Variants in OR2L13 observed in about 807,000 individuals in gnomAD.
OR2L13 encodes the protein olfactory receptor family 2 subfamily L member 13.
A neutral mutation model predicts 15.3 loss-of-function variants in OR2L13; 14 were observed. The ratio of observed to expected loss-of-function variants is 0.91; its 90% confidence interval spans 0.60 to 1.43. The LOEUF is 1.43. Ranked by LOEUF, OR2L13 falls within the 40% of genes most tolerant of loss-of-function variation. The pLI is 0.00. For missense variants in OR2L13, 367 were observed against 387.9 expected (o/e 0.95, Z 0.45); for synonymous variants, 152 against 142.9 (o/e 1.06, Z -0.45).
At chr1:248,069,247 G>A in the OR2L13 span, among the ~76,000 whole-genome samples, 2 of 152,280 alleles carry the variant, frequency 1.3e-5, no homozygotes, top group East Asian at 3.9e-4. Flanking sequence ...ACCCACAAAG[G>A]GAAGCCCATC....
chr1:248,063,605 A>C, the OR2L13 span, among the ~76,000 whole-genome samples: 1 of 152,214 alleles, frequency 6.6e-6, no homozygotes, highest in East Asian at 1.9e-4. Flanking sequence ...GACAGAGAGA[A>C]AATAGGCCTT....
At chr1:247,996,172 C>G in the OR2L13 span, among the ~76,000 whole-genome samples, 1 of 152,216 alleles carries the variant, frequency 6.6e-6, no homozygotes, top group African/African-American at 2.4e-5. Flanking sequence ...TGGTCTGCTA[C>G]CACTCCATGG....
the OR2L13 span, among the ~76,000 whole-genome samples, chr1:248,064,000 C>T: frequency 2.0e-5 from 3 of 152,192 alleles, no homozygotes; most frequent in East Asian, 3.8e-4. Context: ...GAGCATGAAA[C>T]CATGCATGGA....
chr1:248,027,933 G>A, the OR2L13 span, among the ~76,000 whole-genome samples: 4 of 151,784 alleles, frequency 2.6e-5, no homozygotes, highest in Non-Finnish European at 5.9e-5. Flanking sequence ...GAGGTCAGGA[G>A]ATCAAGACCA....
chr1:248,022,411 C>G, the OR2L13 span: 1 of 1,614,182 alleles, frequency 6.2e-7, no homozygotes, highest in Non-Finnish European at 8.5e-7. Context: ...TCCATCAACT[C>G]TTGTGCTCAC....
chr1:247,952,566 A>C, the OR2L13 span, among the ~76,000 whole-genome samples: 1 of 152,292 alleles, frequency 6.6e-6, no homozygotes, highest in South Asian at 2.1e-4. Context: ...ATTTCTCCAG[A>C]CACTGAATCT....
At chr1:248,087,264 T>C in the OR2L13 span, among the ~76,000 whole-genome samples, 16 of 152,190 alleles carry the variant, frequency 1.1e-4, no homozygotes, top group African/African-American at 3.9e-4. Context: ...TATTCAAGAA[T>C]TTTTGAATTG....
chr1:248,001,436 A>G, the OR2L13 span, among the ~76,000 whole-genome samples: 1 of 151,824 alleles, frequency 6.6e-6, no homozygotes, highest in South Asian at 2.1e-4. Context: ...TAATGCTGAC[A>G]CCTGTATACT....
chr1:247,937,438 T>C, the OR2L13 span: 1 of 158,350 alleles, frequency 6.3e-6, no homozygotes, highest in Non-Finnish European at 1.4e-5. Flanking sequence ...TCTCCCTTCT[T>C]GCTCCCGACT....
chr1:248,023,008 C>T, the OR2L13 span: 1 of 946,002 alleles, frequency 1.1e-6, no homozygotes, highest in Non-Finnish European at 1.5e-6. Flanking sequence ...GAATGTTTGT[C>T]TTTTAATTTA....
the OR2L13 span, among the ~76,000 whole-genome samples, chr1:248,070,190 A>C: frequency 4.6e-5 from 7 of 152,094 alleles, no homozygotes; most frequent in East Asian, 1.9e-4. Flanking sequence ...CAGCACCACA[A>C]CACGCCTATT....
chr1:248,006,891 G>C, the OR2L13 span, among the ~76,000 whole-genome samples: 6 of 152,134 alleles, frequency 3.9e-5, no homozygotes, highest in South Asian at 2.1e-4. Context: ...AATTTCACAG[G>C]TTCCACAACT....
At chr1:247,988,888 A>C in the OR2L13 span, among the ~76,000 whole-genome samples, 1 of 152,204 alleles carries the variant, frequency 6.6e-6, no homozygotes, top group Non-Finnish European at 1.5e-5. Context: ...ATTACATTAT[A>C]CTTTATGGAT....
At chr1:247,942,523 C>A in the OR2L13 span, among the ~76,000 whole-genome samples, 36 of 151,982 alleles carry the variant, frequency 2.4e-4, no homozygotes, top group Non-Finnish European at 5.3e-4. Flanking sequence ...GTCTTAATCC[C>A]AGTCTCTTAT....
the OR2L13 span, among the ~76,000 whole-genome samples, chr1:248,036,234 T>G: frequency 2.0e-5 from 3 of 152,146 alleles, no homozygotes; most frequent in Non-Finnish European, 4.4e-5. Flanking sequence ...TTGTCTCTTC[T>G]AATCTTTTCA....
chr1:248,093,952 T>A (rs1664660424), upstream of OR2L13, among the ~76,000 whole-genome samples: 1 of 152,056 alleles, frequency 6.6e-6, no homozygotes, highest in Admixed American at 6.6e-5. Flanking sequence ...CTGGAGATGA[T>A]TAATGGGCTC....
the OR2L13 span, among the ~76,000 whole-genome samples, chr1:248,045,491 G>A: frequency 2.0e-5 from 3 of 152,150 alleles, no homozygotes; most frequent in Non-Finnish European, 1.5e-5. Context: ...TTCCCTTGAA[G>A]TCTGTCTTAC....
the OR2L13 span, among the ~76,000 whole-genome samples, chr1:248,031,775 C>T: frequency 6.6e-6 from 1 of 151,936 alleles, no homozygotes; most frequent in Non-Finnish European, 1.5e-5. Context: ...ATTTGCATTC[C>T]TAAACAGTTA....
At chr1:248,039,422 T>C in the OR2L13 span, 2 of 393,228 alleles carry the variant, frequency 5.1e-6, no homozygotes, top group African/African-American at 4.2e-5. Context: ...TTTTGTTTGT[T>C]TGTTTGTTTG....
Sources: gnomAD v4.1 joint callset for allele counts (sites outside exome capture counted in the v4.1 genomes callset) on GRCh38, gnomAD v4.1.1 for gene constraint, MANE v1.5 for transcripts, NCBI Gene and HGNC (gene_info 2026-07-23, HGNC 2026-07-21) for gene names.